The following CREB3L3 variants were observed in gnomAD, a reference collection of about 807,000 sequenced individuals.
The protein encoded by CREB3L3 is cAMP responsive element binding protein 3 like 3.
CREB3L3 carries 40 observed loss-of-function variants against 44.6 expected under a neutral mutation model. That is an observed-to-expected ratio of 0.90 (90% CI 0.70 to 1.17). The LOEUF (loss-of-function observed/expected upper bound fraction) is 1.17. Among genes scored for constraint, CREB3L3 ranks in the 50% most tolerant of loss-of-function variants. The pLI is 0.00. For missense variants in CREB3L3, 578 were observed against 595.8 expected (o/e 0.97, Z 0.31); for synonymous variants, 273 against 256.3 (o/e 1.06, Z -0.62).
At chr19:4,165,373 T>C (rs1296261023) in intron 5 of CREB3L3, among the ~76,000 whole-genome samples, 3 of 149,770 alleles carry the variant, frequency 2.0e-5, no homozygotes, top group Non-Finnish European at 4.5e-5. Context: ...TGGGGTCTTG[T>C]TATGTTGCCC....
At position 4,170,132 on chromosome 19, in the gene CREB3L3, C is replaced by T. The variant is rs371314625; in HGVS notation, c.822-8C>T. 5.4e-5 allele frequency: 87 copies of T among 1,613,846 alleles called. No homozygotes were observed. In the African/African-American group the frequency reaches 1.1e-3, roughly 20 times the overall value. ...ATGCTGAATGTCGATGCGTCTTCCTCCTTTCAGGATGTCAGCTTGCACTGC... is the reference window on the plus strand; with the variant it reads ...ATGCTGAATGTCGATGCGTCTTCCTTCTTTCAGGATGTCAGCTTGCACTGC... On this transcript the variant is annotated splice_region_variant and splice_polypyrimidine_tract_variant and intron_variant, in intron 6 of 9. Transcript: ENST00000078445.
At chr19:4,162,295 T>C in intron 4 of CREB3L3, among the ~76,000 whole-genome samples, 1 of 151,986 alleles carries the variant, frequency 6.6e-6, no homozygotes, top group Non-Finnish European at 1.5e-5. Flanking sequence ...CATGAGCCAC[T>C]GTGCCTGGCC....
At chr19:4,168,684 AG>A (rs893233498) in intron 6 of CREB3L3, among the ~76,000 whole-genome samples, 6 of 152,140 alleles carry the variant, frequency 3.9e-5, no homozygotes, top group African/African-American at 1.2e-4. Context: ...GTGCGGAAAA[AG>A]GACAAAGTGT....
chr19:4,154,382 T>C (rs937233393), intron 1 of CREB3L3, among the ~76,000 whole-genome samples: 2 of 151,920 alleles, frequency 1.3e-5, no homozygotes, highest in Non-Finnish European at 2.9e-5. Flanking sequence ...TACTTTTTTG[T>C]TTTTTGAAAC....
chr19:4,157,293 T>C lies in CREB3L3; in HGVS notation c.455T>C (p.Leu152Pro), dbSNP rs2041597622. 1.3e-5 allele frequency: 21 copies of C among 1,614,132 alleles called. No homozygotes were observed. The highest frequency in any genetic ancestry group is 1.8e-5 in the Non-Finnish European group (21 of 1,180,014). The change falls in exon 3 of 10, where the codon CTG (leucine) becomes CCG (proline). Residue 152 changes from leucine to proline, a missense_variant and splice_region_variant. Transcript: ENST00000078445. The stretch of plus-strand genomic sequence containing the variant: ...CCTGAAGCCTCTGTGACCATAGACC[T>C]GGGTGAGTCCTGCTGTGTCTCTGCC... Reference protein sequence around the residue: ...QVPEASVTIDLEMWSPGGRIC... With the variant: ...QVPEASVTIDPEMWSPGGRIC...
chr19:4,164,441 T>C (rs2041699830), intron 4 of CREB3L3, 62 bp from the exon 5 acceptor site: 1 of 1,607,620 alleles, frequency 6.2e-7, no homozygotes, highest in South Asian at 1.1e-5. Context: ...GATACCTCTT[T>C]CATTTCCTGA....
At chr19:4,165,587 C>T (rs1481351130) in intron 5 of CREB3L3, among the ~76,000 whole-genome samples, 1 of 152,024 alleles carries the variant, frequency 6.6e-6, no homozygotes, top group East Asian at 1.9e-4. Context: ...TGAGGCTGGG[C>T]ACGGTGGCTC....
chr19:4,160,620 A>G (rs1344524576), intron 4 of CREB3L3, among the ~76,000 whole-genome samples: 1 of 151,822 alleles, frequency 6.6e-6, no homozygotes, highest in East Asian at 1.9e-4. Flanking sequence ...CAGTGGTGCA[A>G]TCTCGGATCA....
chr19:4,167,439 A>AG (rs1966935823), intron 5 of CREB3L3, among the ~76,000 whole-genome samples: 2 of 139,516 alleles, frequency 1.4e-5, no homozygotes, highest in South Asian at 4.7e-4. Context: ...AAAGAAAGGA[A>AG]AGAAAGAAAG....
chr19:4,171,228 C>A lies in CREB3L3; in HGVS notation c.975+53C>A. The A allele has an allele frequency of 6.5e-7, 1 of 1,534,498 alleles. No individual in the cohort carries two copies. Among genetic ancestry groups the A allele is most frequent in the African/African-American group, 1.4e-5 (1 of 73,282 alleles). Reference sequence around the variant, plus strand: ...GGGGACCTAGGCTTCTGTAGAGGGGCCCATAGGGAGGTGACAATGAGTCCA... The same window carrying A: ...GGGGACCTAGGCTTCTGTAGAGGGGACCATAGGGAGGTGACAATGAGTCCA... On this transcript the variant is annotated intron_variant, in intron 8 of 9. Transcript: ENST00000078445. This position sits in a 1 kb window ranked among gnomAD's most constrained non-coding sequence, Gnocchi z 4.9.
At position 4,168,443 on chromosome 19, in the gene CREB3L3, T is replaced by A; in HGVS notation, c.807T>A (p.Asp269Glu). The change falls in exon 6 of 10, where the codon GAT becomes GAA. Residue 269 changes from aspartate (D) to glutamate (E), a missense_variant. Coordinates refer to ENST00000078445, the MANE Select transcript of CREB3L3 (RefSeq NM_032607.3). ...GGAAGAAGAAGAAGGAATATATCGA[T>A]GGCCTGGAGACTCGGTGGGTAGTGC... The part of the protein sequence containing the change: ...ESRKKKKEYI[D>E]GLETRMSACT... The A allele has an allele frequency of 6.4e-7, 1 of 1,554,258 alleles. No individual in the cohort carries two copies. The highest frequency in any genetic ancestry group is 2.3e-5 in the East Asian group (1 of 43,740).
At chr19:4,159,421 G>A (rs1293979886) in intron 3 of CREB3L3, among the ~76,000 whole-genome samples, 1 of 110,628 alleles carries the variant, frequency 9.0e-6, no homozygotes, top group Non-Finnish European at 2.1e-5. Flanking sequence ...AAAGTGCTGG[G>A]AATACAGGCG....
In CREB3L3 at chr19:4,157,190, C is replaced by T. The variant is rs77528283; in HGVS notation, c.352C>T (p.Pro118Ser). The T allele has an allele frequency of 3.1e-6, 5 of 1,613,936 alleles. No individual in the cohort carries two copies. In the East Asian group the frequency reaches 8.9e-5, roughly 29 times the overall value. Residue 118 changes from proline to serine, a missense_variant, in exon 3 of 10, where the codon CCT (proline) becomes TCT (serine). Pro to Ser is a moderately conservative substitution (Grantham distance 74). Coordinates refer to ENST00000078445, the MANE Select transcript of CREB3L3 (RefSeq NM_032607.3). ...TSPAGCHPAQ[P>S]GKGPCLSYHP... The stretch of plus-strand genomic sequence containing the variant: ...CCCCGCCGGCTGCCATCCTGCCCAG[C>T]CTGGCAAGGGGCCCTGCCTCTCCTA...
chr19:4,155,606 T>G (rs1473858761), intron 2 of CREB3L3, among the ~76,000 whole-genome samples: 1 of 151,876 alleles, frequency 6.6e-6, no homozygotes, highest in Non-Finnish European at 1.5e-5. Context: ...TCCACCCACC[T>G]CAGCCTCCCA....
chr19:4,168,335 C>A lies in CREB3L3; in HGVS notation c.715-16C>A. 1.2e-6 allele frequency: 2 copies of A among 1,601,252 alleles called. No homozygotes were observed. The highest frequency in any genetic ancestry group is 2.2e-5 in the South Asian group (2 of 90,802). On this transcript the variant is annotated splice_polypyrimidine_tract_variant and intron_variant, in intron 5 of 9. Coordinates refer to ENST00000078445, the MANE Select transcript of CREB3L3 (RefSeq NM_032607.3). ...ACTTTCTGGCCTGAAACCCTCCTCC[C>A]CATTTCACTTGGCAGTACGAGGAGC...
In CREB3L3 at chr19:4,170,351, T is replaced by G. The variant is rs1431422257; in HGVS notation, c.890+143T>G. On this transcript the variant is annotated intron_variant, in intron 7 of 9. Transcript: ENST00000078445. ...TGGGCCGCGTGCAGTGGCTCACGCC[T>G]GTAATCTCAGCACTTTGGGAGGCCG... The G allele has an allele frequency of 5.0e-6, 4 of 804,998 alleles. No individual in the cohort carries two copies. In the East Asian group the frequency reaches 1.1e-4, roughly 22 times the overall value. 49.9% of individuals were successfully genotyped at this position (804,998 alleles called of 1,614,324 possible). A position where few individuals can be genotyped will look rare whatever the true frequency, so the allele number is the denominator to read the frequency against.
At chr19:4,156,182 T>A (rs2041573315) in intron 2 of CREB3L3, among the ~76,000 whole-genome samples, 1 of 77,094 alleles carries the variant, frequency 1.3e-5, no homozygotes, top group Non-Finnish European at 2.6e-5. Context: ...CCTCCCTTCC[T>A]TCCTCTCTCT....
At chr19:4,163,351 A>AGAAAGAAAGAAAGAAAGAAGGAAG (rs535753131) in intron 4 of CREB3L3, among the ~76,000 whole-genome samples, 161 of 117,252 alleles carry the variant, frequency 1.4e-3, no homozygotes, top group East Asian at 3.9e-3. Context: ...AAAGAAAGAA[A>AGAAAGAAAGAAAGAAAGAAGGAAG]GAAGGAAGGA....
chr19:4,172,876 A>T lies in CREB3L3; in HGVS notation c.*907A>T, dbSNP rs1258222684. On this transcript the variant is annotated 3_prime_UTR_variant, in exon 10 of 10. Coordinates refer to ENST00000078445, the MANE Select transcript of CREB3L3 (RefSeq NM_032607.3). ...GCACACACACAACAGATGCGCAGCA[A>T]CTCCCCGCCCAGGGACCCCTCCCGG... 2 of 153,344 alleles carry T rather than the reference A, an allele frequency of 1.3e-5. No homozygotes were observed. The highest frequency in any genetic ancestry group is 4.8e-5 in the African/African-American group (2 of 41,410). The allele number at this position is 153,344 out of a possible 1,614,324, so 9.5% of individuals were successfully genotyped here. A position where few individuals can be genotyped will look rare whatever the true frequency, so the allele number is the denominator to read the frequency against.
Sources: allele counts gnomAD v4.1 joint callset (sites outside exome capture counted in the v4.1 genomes callset), GRCh38; gene constraint gnomAD v4.1.1; non-coding constraint Gnocchi (gnomAD v3.1); transcripts MANE v1.5; gene names NCBI Gene and HGNC (gene_info 2026-07-23, HGNC 2026-07-21).